AGAP1: variants seen among roughly 807,000 people sequenced by gnomAD.
The protein encoded by AGAP1 is arf-GAP with GTPase, ANK repeat and PH domain-containing protein 1.
A neutral mutation model predicts 105.3 loss-of-function variants in AGAP1; 29 were observed. That is an observed-to-expected ratio of 0.28 (90% CI 0.21 to 0.38). The LOEUF (loss-of-function observed/expected upper bound fraction) is 0.38, where lower values mean the gene tolerates loss of function less well. AGAP1 is among the 10% of genes least tolerant of loss of function. The pLI is 1.00. For missense variants in AGAP1, 998 were observed against 1,165.1 expected, an observed-to-expected ratio of 0.86 and a Z score of 2.09; for synonymous variants, 509 against 485.9, an observed-to-expected ratio of 1.05 and a Z score of -0.63.
In AGAP1 at chr2:236,082,122, C is replaced by G. The variant is rs1022246746; in HGVS notation, c.2114+32841C>G. Among the ~76,000 whole-genome samples the G allele has an allele frequency of 6.6e-6, 1 of 152,192 alleles. No homozygotes were observed. Among genetic ancestry groups the G allele is most frequent in the African/African-American group, 2.4e-5 (1 of 41,452 alleles). ...TTCCTCTGGTGCCCTTTTCTTTCCCCCGATCACATTTGCTAGATGTCCATT... is the reference window on the plus strand; with the variant it reads ...TTCCTCTGGTGCCCTTTTCTTTCCCGCGATCACATTTGCTAGATGTCCATT... On this transcript the variant is annotated intron_variant, in intron 16 of 17. Transcript: ENST00000304032. This position sits in a 1 kb window ranked among gnomAD's most constrained non-coding sequence, Gnocchi z 4.2.
chr2:235,781,502 A>G (rs1368301096), intron 6 of AGAP1, among the ~76,000 whole-genome samples: 2 of 152,210 alleles, frequency 1.3e-5, no homozygotes, highest in Non-Finnish European at 2.9e-5. Flanking sequence ...GTGCTGAATT[A>G]TGGATGTTAT....
intron 11 of AGAP1, among the ~76,000 whole-genome samples, chr2:235,929,035 C>T (rs2052590693): frequency 6.6e-6 from 1 of 152,164 alleles, no homozygotes; most frequent in African/African-American, 2.4e-5. Context: ...TGAGATGGAG[C>T]TCTCAGAACA....
intron 1 of AGAP1, among the ~76,000 whole-genome samples, chr2:235,516,067 G>GCTGCTGCTGCTGCTGCTGCTC (rs779923433): frequency 7.2e-5 from 7 of 96,802 alleles, no homozygotes; most frequent in South Asian, 6.4e-4. Flanking sequence ...TGCTGCTGCT[G>GCTGCTGCTGCTGCTGCTGCTC]CTGCTGCTGC....
chr2:235,932,951 C>A lies in AGAP1; in HGVS notation c.1483+2028C>A, dbSNP rs1575815016. ...GAATGCCAGTTTTTTATTCACAAAG[C>A]AATTTCTATAATATTAACACACGTG... On this transcript the variant is annotated intron_variant, in intron 12 of 17. Transcript: ENST00000304032. 2.6e-5 allele frequency among the ~76,000 whole-genome samples: 4 copies of A among 152,316 alleles called. 1 individual carries two copies. The South Asian group carries it at 8.3e-4, about 32-fold the overall frequency.
At chr2:235,929,186 G>C (rs1332669558) in intron 11 of AGAP1, among the ~76,000 whole-genome samples, 1 of 152,184 alleles carries the variant, frequency 6.6e-6, no homozygotes. Flanking sequence ...GTGGAGTTTT[G>C]ATTGTGATTT....
intron 11 of AGAP1, among the ~76,000 whole-genome samples, chr2:235,925,238 G>A (rs2052389376): frequency 1.3e-5 from 2 of 152,204 alleles, no homozygotes; most frequent in African/African-American, 2.4e-5. Context: ...AGGAAGGAGG[G>A]CATTCTAATC....
intron 11 of AGAP1, among the ~76,000 whole-genome samples, chr2:235,915,924 A>G (rs1228221986): frequency 2.0e-5 from 3 of 152,178 alleles, no homozygotes; most frequent in Non-Finnish European, 4.4e-5. Flanking sequence ...AAATAGGAGA[A>G]CAACAAGGTT....
chr2:235,673,556 A>G (rs1306723469), intron 1 of AGAP1, among the ~76,000 whole-genome samples: 1 of 152,154 alleles, frequency 6.6e-6, no homozygotes, highest in East Asian at 1.9e-4. Flanking sequence ...ACTCAGTGAA[A>G]TAAATAGTGA....
At position 235,853,736 on chromosome 2, in the gene AGAP1, AAATTTGTAG is replaced by A. The variant is rs1360708267; in HGVS notation, c.1051-29606_1051-29598del. On this transcript the variant is annotated intron_variant, in intron 9 of 17. Transcript: ENST00000304032. ...ATGATAAGTGCATCTACAAGTGCTG[AAATTTGTAG>A]AACAAATGAGGTCATTTTTGTGAAG... 5.8e-3 allele frequency among the ~76,000 whole-genome samples: 891 copies of A among 152,340 alleles called. 3 individuals are homozygous for A. Among genetic ancestry groups the A allele is most frequent in the African/African-American group, 0.02 (843 of 41,566 alleles).
chr2:235,643,431 C>CAAAAAAAAAAAAAAAAAAAAAAAAAAAA (rs56146940), intron 1 of AGAP1, among the ~76,000 whole-genome samples: 3 of 61,418 alleles, frequency 4.9e-5, no homozygotes, highest in African/African-American at 2.1e-4. Flanking sequence ...GACTGGGTCT[C>CAAAAAAAAAAAAAAAAAAAAAAAAAAAA]AAAAAAAAAA....
In AGAP1 at chr2:236,053,174, A is replaced by G. The variant is rs1206971679; in HGVS notation, c.2114+3893A>G. ...GTGTTACTGTAAGGAGAAGTTGCCA[A>G]GCTCCTTGGTGACCCTTTCAAAGGC... On this transcript the variant is annotated intron_variant, in intron 16 of 17. Transcript: ENST00000304032. This position sits in a 1 kb window ranked among gnomAD's most constrained non-coding sequence, Gnocchi z 4.6. 6.6e-6 allele frequency among the ~76,000 whole-genome samples: 1 copy of G among 152,240 alleles called. No individual in the cohort carries two copies. Among genetic ancestry groups the G allele is most frequent in the African/African-American group, 2.4e-5 (1 of 41,462 alleles).
chr2:235,886,106 T>C (rs1232155467), intron 10 of AGAP1, among the ~76,000 whole-genome samples: 3 of 152,176 alleles, frequency 2.0e-5, no homozygotes, highest in Non-Finnish European at 2.9e-5. Flanking sequence ...AGGCACCAGG[T>C]CTTCCCTGGA....
chr2:235,772,630 C>T (rs1279709236), intron 6 of AGAP1, among the ~76,000 whole-genome samples: 4 of 152,206 alleles, frequency 2.6e-5, no homozygotes, highest in Non-Finnish European at 4.4e-5. Flanking sequence ...TGATTATCTT[C>T]TTCTGGGAAT....
chr2:235,567,059 A>G (rs1280002834), intron 1 of AGAP1, among the ~76,000 whole-genome samples: 1 of 152,020 alleles, frequency 6.6e-6, no homozygotes, highest in Non-Finnish European at 1.5e-5. Flanking sequence ...TTGGGAGGAC[A>G]CTATTCACCC....
At position 235,887,887 on chromosome 2, in the gene AGAP1, C is replaced by T. The variant is rs2050344208; in HGVS notation, c.1155+4438C>T. Reference sequence around the variant, plus strand: ...GGGGTGCTGACTTGAGAGCGCCAGGCTTGCAGTTGTATTAAACGTGGAAGA... The same window carrying T: ...GGGGTGCTGACTTGAGAGCGCCAGGTTTGCAGTTGTATTAAACGTGGAAGA... On this transcript the variant is annotated intron_variant, in intron 10 of 17. Coordinates refer to ENST00000304032, the MANE Select transcript of AGAP1 (RefSeq NM_001037131.3). The surrounding 1 kb of genome is among the most constrained non-coding windows in gnomAD (Gnocchi z 4.1). Among the ~76,000 whole-genome samples the T allele has an allele frequency of 2.0e-5, 3 of 152,154 alleles. No individual in the cohort carries two copies. In the South Asian group the frequency reaches 6.2e-4, roughly 32 times the overall value.
At chr2:235,745,235 TTCAG>T (rs1223518612) in intron 5 of AGAP1, among the ~76,000 whole-genome samples, 4 of 152,234 alleles carry the variant, frequency 2.6e-5, no homozygotes, top group African/African-American at 9.6e-5. Context: ...AAGCTTATCT[TTCAG>T]TGCACCTTGA....
chr2:235,904,706 A>G lies in AGAP1; in HGVS notation c.1156-4032A>G, dbSNP rs1039585940. ...CAGCCCCTTGACTTCTACGGAGGACATTGTTTAGTGGTTGTAGCTTTAATT... is the reference window on the plus strand; with the variant it reads ...CAGCCCCTTGACTTCTACGGAGGACGTTGTTTAGTGGTTGTAGCTTTAATT... On this transcript the variant is annotated intron_variant, in intron 10 of 17. Transcript: ENST00000304032. This position sits in a 1 kb window ranked among gnomAD's most constrained non-coding sequence, Gnocchi z 4.2. 1.3e-5 allele frequency among the ~76,000 whole-genome samples: 2 copies of G among 152,112 alleles called. No homozygotes were observed. Among genetic ancestry groups the G allele is most frequent in the African/African-American group, 4.8e-5 (2 of 41,412 alleles).
At position 235,667,834 on chromosome 2, in the gene AGAP1, C is replaced by G. The variant is rs1948175742; in HGVS notation, c.164-41345C>G. The stretch of plus-strand genomic sequence containing the variant: ...ATTAGCCGGGACTGGTGGCGCGCAC[C>G]TGTAATCCCAGCTACTCAGGAGGCT... On this transcript the variant is annotated intron_variant, in intron 1 of 17. Transcript: ENST00000304032. Among the ~76,000 whole-genome samples the G allele has an allele frequency of 2.0e-5, 3 of 151,876 alleles. No individual in the cohort carries two copies. In the South Asian group the frequency reaches 6.2e-4, roughly 32 times the overall value.
chr2:235,926,360 G>A (rs911976871), intron 11 of AGAP1, among the ~76,000 whole-genome samples: 2 of 152,152 alleles, frequency 1.3e-5, no homozygotes, highest in African/African-American at 4.8e-5. Flanking sequence ...CACTGGCCTG[G>A]GACTGCTGAC....
Sources: gnomAD v4.1 joint callset for allele counts (sites outside exome capture counted in the v4.1 genomes callset) on GRCh38, gnomAD v4.1.1 for gene constraint, Gnocchi (gnomAD v3.1) non-coding constraint, MANE v1.5 for transcripts, NCBI Gene and HGNC (gene_info 2026-07-23, HGNC 2026-07-21) for gene names.